Variants in UTRN observed in about 807,000 individuals in gnomAD.
UTRN encodes utrophin, also known as dystrophin-related protein 1.
A neutral mutation model predicts 463.9 loss-of-function variants in UTRN; 283 were observed. That is an observed-to-expected ratio of 0.61 (90% CI 0.55 to 0.67). The LOEUF (loss-of-function observed/expected upper bound fraction) is 0.67. UTRN is among the 30% of genes least tolerant of loss of function. The pLI, the probability that UTRN is intolerant of heterozygous loss-of-function variation, is 0.00. For synonymous variants in UTRN, 1,442 were observed against 1,431.5 expected (o/e 1.01, Z -0.17); for missense variants, 3,922 against 4,084.3 (o/e 0.96, Z 1.08).
chr6:144,771,727 T>C, intron 58 of UTRN, among the ~76,000 whole-genome samples, 180 bp from the exon 59 acceptor site: 1 of 152,050 alleles, frequency 6.6e-6, no homozygotes, highest in Non-Finnish European at 1.5e-5. Context: ...CCCTGGCCAA[T>C]GTTTCAAATG....
intron 58 of UTRN, among the ~76,000 whole-genome samples, chr6:144,764,935 C>T (rs1793114195): frequency 6.6e-6 from 1 of 151,988 alleles, no homozygotes; most frequent in African/African-American, 2.4e-5. Flanking sequence ...TTAACACCTT[C>T]AGATGGGGGC....
chr6:144,410,647 T>C (rs1783807717), intron 3 of UTRN, among the ~76,000 whole-genome samples: 2 of 150,546 alleles, frequency 1.3e-5, no homozygotes, highest in Admixed American at 6.6e-5. Flanking sequence ...ACAGCTTAGC[T>C]CCCACTTATG....
intron 54 of UTRN, among the ~76,000 whole-genome samples, chr6:144,740,572 C>A (rs1262065545): frequency 6.6e-6 from 1 of 152,152 alleles, no homozygotes; most frequent in Non-Finnish European, 1.5e-5. Flanking sequence ...TGAAAAAGCG[C>A]AGAAAAATAT....
intron 65 of UTRN, among the ~76,000 whole-genome samples, chr6:144,805,744 AATAGTTC>A (rs1778094969): frequency 6.6e-6 from 1 of 152,088 alleles, no homozygotes; most frequent in Non-Finnish European, 1.5e-5. Context: ...GCATAAGTGC[AATAGTTC>A]AAAGCCCTTC....
chr6:144,771,355 C>T (rs1399117080), intron 58 of UTRN, among the ~76,000 whole-genome samples: 1 of 152,122 alleles, frequency 6.6e-6, no homozygotes, highest in Non-Finnish European at 1.5e-5. Flanking sequence ...AACTCCTGGG[C>T]TCCCACCTCA....
chr6:144,525,317 G>C (rs928895323), intron 41 of UTRN, among the ~76,000 whole-genome samples: 7 of 152,002 alleles, frequency 4.6e-5, no homozygotes, highest in Non-Finnish European at 7.4e-5. Flanking sequence ...TCGGGTCCTG[G>C]GCTTTTTTTT....
chr6:144,410,520 C>T lies in UTRN; in HGVS notation c.141+7336C>T, dbSNP rs191804725. On this transcript the variant is annotated intron_variant, in intron 3 of 74. Coordinates refer to ENST00000367545, the MANE Select transcript of UTRN (RefSeq NM_007124.3). ...GTGAGGTTTTGATGCACCCATCACC[C>T]GAGCAGTATACACTGTACCCGATTT... Among the ~76,000 whole-genome samples the T allele has an allele frequency of 2.0e-3, 303 of 152,114 alleles. 1 individual carries two copies. Among genetic ancestry groups the T allele is most frequent in the Middle Eastern group, 0.01 (3 of 294 alleles).
intron 54 of UTRN, among the ~76,000 whole-genome samples, chr6:144,743,806 A>G (rs1562850640): frequency 6.6e-6 from 1 of 152,098 alleles, no homozygotes; most frequent in Non-Finnish European, 1.5e-5. Context: ...ATCAGGATTG[A>G]TCTTTCCTTT....
chr6:144,395,370 CAT>C (rs1782306337), intron 2 of UTRN, among the ~76,000 whole-genome samples: 1 of 149,016 alleles, frequency 6.7e-6, no homozygotes, highest in African/African-American at 2.5e-5. Flanking sequence ...ATTTGCAACA[CAT>C]ATAATATGGT....
chr6:144,796,549 A>C (rs1344687520), intron 63 of UTRN, among the ~76,000 whole-genome samples: 2 of 152,100 alleles, frequency 1.3e-5, no homozygotes, highest in African/African-American at 4.8e-5. Flanking sequence ...TTTTTCTTTG[A>C]GACTATGCAT....
chr6:144,393,051 T>C (rs192871912), intron 2 of UTRN, among the ~76,000 whole-genome samples: 19 of 123,366 alleles, frequency 1.5e-4, no homozygotes, highest in South Asian at 2.8e-4. Flanking sequence ...ATCCATCCAT[T>C]CATCCATCCA....
At chr6:144,334,028 C>T (rs1363204405) in intron 2 of UTRN, among the ~76,000 whole-genome samples, 1 of 152,118 alleles carries the variant, frequency 6.6e-6, no homozygotes, top group African/African-American at 2.4e-5. Flanking sequence ...AGAGAGGACT[C>T]CTAAATTAAA....
intron 53 of UTRN, among the ~76,000 whole-genome samples, chr6:144,717,167 C>G (rs1424801129): frequency 1.3e-5 from 2 of 152,142 alleles, no homozygotes; most frequent in Non-Finnish European, 2.9e-5. Flanking sequence ...CATTTTTGTT[C>G]TATTATTAGT....
At chr6:144,335,316 C>T (rs1216995824) in intron 2 of UTRN, among the ~76,000 whole-genome samples, 3 of 152,224 alleles carry the variant, frequency 2.0e-5, no homozygotes, top group African/African-American at 7.2e-5. Flanking sequence ...ATCGCCCTTT[C>T]TCCTTTGTAC....
At chr6:144,799,579 CAGTCTACTACTGG>C (rs1777538715) in intron 64 of UTRN, 1 of 452,166 alleles carries the variant, frequency 2.2e-6, no homozygotes, top group African/African-American at 2.0e-5. Flanking sequence ...GTGGCAAGGT[CAGTCTACTACTGG>C]GAAGATAATT....
At chr6:144,350,673 G>A (rs1186337307) in intron 2 of UTRN, among the ~76,000 whole-genome samples, 2 of 152,078 alleles carry the variant, frequency 1.3e-5, no homozygotes, top group African/African-American at 2.4e-5. Context: ...GGACAAATTC[G>A]TCAGTGATTT....
intron 72 of UTRN, among the ~76,000 whole-genome samples, chr6:144,839,726 G>C (rs1219266270): frequency 6.6e-6 from 1 of 152,152 alleles, no homozygotes; most frequent in African/African-American, 2.4e-5. Flanking sequence ...CTTAGACATT[G>C]TCTTGCCTGT....
At chr6:144,422,004 C>G (rs777775185) in intron 4 of UTRN, 34 bp downstream of exon 4, 1 of 1,565,552 alleles carries the variant, frequency 6.4e-7, no homozygotes, top group South Asian at 1.2e-5. Flanking sequence ...AACGGAGTCT[C>G]CGGTCATTGC....
At chr6:144,548,083 A>G (rs1009956697) in intron 46 of UTRN, among the ~76,000 whole-genome samples, 1 of 152,300 alleles carries the variant, frequency 6.6e-6, no homozygotes, top group Non-Finnish European at 1.5e-5. Flanking sequence ...TACTTGGGAA[A>G]TCTATGCTAA....
Sources: allele counts gnomAD v4.1 joint callset (sites outside exome capture counted in the v4.1 genomes callset), GRCh38; gene constraint gnomAD v4.1.1; transcripts MANE v1.5; gene names NCBI Gene and HGNC (gene_info 2026-07-23, HGNC 2026-07-21).